USP15: variants seen among roughly 807,000 people sequenced by gnomAD.
The protein encoded by USP15 is ubiquitin specific peptidase 15, also known as ubiquitin carboxyl-terminal hydrolase 15.
USP15 carries 18 observed loss-of-function variants against 127.1 expected under a neutral mutation model. The ratio of observed to expected loss-of-function variants is 0.14; its 90% CI spans 0.10 to 0.21. USP15 has a LOEUF of 0.21. USP15 is among the 10% of genes least tolerant of loss of function. The pLI, the probability that USP15 is intolerant of heterozygous loss-of-function variation, is 1.00. For missense variants in USP15, 805 were observed against 1,159.9 expected (o/e 0.69, Z 4.44); for synonymous variants, 364 against 393.7 (o/e 0.92, Z 0.89).
In USP15 at chr12:62,336,272, T is replaced by C. The variant is rs149522729; in HGVS notation, c.683+10339T>C. On this transcript the variant is annotated intron_variant, in intron 6 of 21. Coordinates refer to ENST00000280377, the MANE Select transcript of USP15 (RefSeq NM_001252078.2). The stretch of plus-strand genomic sequence containing the variant: ...ACTTTTCTGAATTCCAGATTTTTCA[T>C]AAATTTCATGTAGGACTCACCACCT... 4.0e-4 allele frequency: 398 copies of C among 985,440 alleles called. 8 individuals carry two copies. Among genetic ancestry groups the C allele is most frequent in the East Asian group, 1.1e-4 (1 of 8,820 alleles). 61.0% of individuals were successfully genotyped at this position (985,440 alleles called of 1,614,324 possible). A position where few individuals can be genotyped will look rare whatever the true frequency, so the allele number is the denominator to read the frequency against.
chr12:62,314,757 G>T, intron 3 of USP15, 33 bp from the exon 4 acceptor site: 2 of 1,502,168 alleles, frequency 1.3e-6, no homozygotes, highest in Non-Finnish European at 8.9e-7. Flanking sequence ...ATTGATATAG[G>T]TGACACTGAT....
At chr12:62,401,583 G>A (rs1045433737) in intron 21 of USP15, among the ~76,000 whole-genome samples, 8 of 151,798 alleles carry the variant, frequency 5.3e-5, no homozygotes, top group African/African-American at 1.9e-4. Context: ...TAACTTTCTA[G>A]ACATTGAGTA....
At chr12:62,299,299 G>A (rs532572335) in intron 2 of USP15, among the ~76,000 whole-genome samples, 4 of 152,116 alleles carry the variant, frequency 2.6e-5, no homozygotes, top group African/African-American at 7.2e-5. Context: ...TTGTTGAGAT[G>A]GGGTTTCACC....
intron 6 of USP15, among the ~76,000 whole-genome samples, chr12:62,340,426 C>G (rs554082378): frequency 6.6e-6 from 1 of 151,970 alleles, no homozygotes; most frequent in Non-Finnish European, 1.5e-5. Flanking sequence ...TTGTCTTCTG[C>G]TAGCTTTTGA....
chr12:62,388,117 A>ATTTTTTTTTTTTTTTTTTTTTT (rs58192089), intron 11 of USP15, among the ~76,000 whole-genome samples: 6 of 106,584 alleles, frequency 5.6e-5, no homozygotes, highest in Non-Finnish European at 3.6e-5. Flanking sequence ...AATGGTGAAG[A>ATTTTTTTTTTTTTTTTTTTTTT]TTTTTTTTTT....
intron 8 of USP15, among the ~76,000 whole-genome samples, chr12:62,379,394 A>G (rs2066922578): frequency 6.6e-6 from 1 of 152,138 alleles, no homozygotes; most frequent in African/African-American, 2.4e-5. Context: ...CCAATCTGTA[A>G]GCAGGGAGAG....
intron 4 of USP15, among the ~76,000 whole-genome samples, chr12:62,317,096 T>C (rs920587244): frequency 7.2e-5 from 11 of 152,146 alleles, no homozygotes; most frequent in African/African-American, 1.7e-4. Context: ...ATACAAAATA[T>C]CAACATATAT....
intron 8 of USP15, among the ~76,000 whole-genome samples, chr12:62,368,200 G>A (rs969581244): frequency 2.0e-5 from 3 of 152,028 alleles, no homozygotes; most frequent in Admixed American, 2.0e-4. Context: ...CCGTTCTTTT[G>A]CATTTGCTGA....
chr12:62,286,505 G>A (rs932711703), intron 1 of USP15, among the ~76,000 whole-genome samples: 1 of 152,122 alleles, frequency 6.6e-6, no homozygotes, highest in African/African-American at 2.4e-5. Context: ...AATACCATTC[G>A]CTCAGCAGTC....
chr12:62,404,496 A>C lies in USP15; in HGVS notation c.*121A>C. Reference sequence around the variant, plus strand: ...TGGGGAGTTTCAGATAACCGAATGTAAATCCTTTATCAGATTTTAACTTGT... The same window carrying C: ...TGGGGAGTTTCAGATAACCGAATGTCAATCCTTTATCAGATTTTAACTTGT... On this transcript the variant is annotated 3_prime_UTR_variant, in exon 22 of 22. Transcript: ENST00000280377. 1 of 1,356,102 alleles carries C rather than the reference A, an allele frequency of 7.4e-7. No individual in the cohort carries two copies. The highest frequency in any genetic ancestry group is 1.8e-5 in the South Asian group (1 of 55,808). 84.0% of individuals were successfully genotyped at this position (1,356,102 alleles called of 1,614,324 possible).
At chr12:62,324,472 G>T (rs984096588) in intron 5 of USP15, among the ~76,000 whole-genome samples, 2 of 151,706 alleles carry the variant, frequency 1.3e-5, no homozygotes, top group Non-Finnish European at 2.9e-5. Flanking sequence ...TGTATAAATT[G>T]CAGTAAAGCA....
intron 1 of USP15, among the ~76,000 whole-genome samples, chr12:62,266,583 A>C (rs1482941277): frequency 6.6e-6 from 1 of 152,122 alleles, no homozygotes; most frequent in Non-Finnish European, 1.5e-5. Context: ...TTTTCACTGA[A>C]AATCACTTCA....
chr12:62,290,625 T>C (rs532061906), intron 1 of USP15, among the ~76,000 whole-genome samples: 1 of 152,338 alleles, frequency 6.6e-6, no homozygotes, highest in South Asian at 2.1e-4. Context: ...AATATTGATA[T>C]GTGAGGTTTT....
intron 8 of USP15, among the ~76,000 whole-genome samples, chr12:62,378,682 T>C (rs2066903841): frequency 1.3e-5 from 2 of 152,202 alleles, no homozygotes; most frequent in South Asian, 4.1e-4. Flanking sequence ...GTAGATTGAA[T>C]GAAAAATCAG....
At chr12:62,297,836 TA>T (rs1454601671) in intron 2 of USP15, among the ~76,000 whole-genome samples, 1 of 151,840 alleles carries the variant, frequency 6.6e-6, no homozygotes, top group Non-Finnish European at 1.5e-5. Context: ...CCTAAAGAAA[TA>T]GAGATGAATT....
At chr12:62,402,836 T>C (rs1327644917) in intron 21 of USP15, among the ~76,000 whole-genome samples, 2 of 152,018 alleles carry the variant, frequency 1.3e-5, no homozygotes, top group African/African-American at 4.8e-5. Flanking sequence ...AGAAGATAGA[T>C]TGGAGACACT....
At chr12:62,356,815 A>ATAAT (rs1011814696) in intron 8 of USP15, among the ~76,000 whole-genome samples, 2 of 152,022 alleles carry the variant, frequency 1.3e-5, no homozygotes, top group Non-Finnish European at 2.9e-5. Flanking sequence ...TATTATCCTA[A>ATAAT]TAGTTAAATA....
At chr12:62,316,690 G>A (rs1180544898) in intron 4 of USP15, among the ~76,000 whole-genome samples, 8 of 151,996 alleles carry the variant, frequency 5.3e-5, no homozygotes, top group Middle Eastern at 3.6e-3. Context: ...AATTAAATAT[G>A]AGACCATCAG....
At chr12:62,361,250 A>C (rs569743036) in intron 8 of USP15, among the ~76,000 whole-genome samples, 18 of 152,206 alleles carry the variant, frequency 1.2e-4, no homozygotes, top group Admixed American at 3.3e-4. Context: ...TTATGAAAAC[A>C]TGCCTTTCTT....
Sources: allele counts gnomAD v4.1 joint callset (sites outside exome capture counted in the v4.1 genomes callset), GRCh38; gene constraint gnomAD v4.1.1; transcripts MANE v1.5; gene names NCBI Gene and HGNC (gene_info 2026-07-23, HGNC 2026-07-21).